LIFR: variants seen among roughly 807,000 people sequenced by gnomAD.
The protein encoded by LIFR is LIF receptor subunit alpha.
Under a neutral mutation model 122.2 loss-of-function variants are expected in LIFR, and 84 were observed. The ratio of observed to expected loss-of-function variants is 0.69; its 90% CI spans 0.58 to 0.82. The LOEUF is 0.82. LIFR is among the 40% of genes least tolerant of loss of function. The pLI is 0.00. For missense variants in LIFR, 1,294 were observed against 1,311.6 expected (o/e 0.99, Z 0.21); for synonymous variants, 422 against 434.7 (o/e 0.97, Z 0.36).
chr5:38,576,545 T>C (rs1749392189), intron 1 of LIFR, among the ~76,000 whole-genome samples: 1 of 152,214 alleles, frequency 6.6e-6, no homozygotes, highest in African/African-American at 2.4e-5. Context: ...TTGGTTCCAC[T>C]TGACTATAAT....
At chr5:38,594,067 A>G (rs1432143167) in intron 1 of LIFR, among the ~76,000 whole-genome samples, 1 of 152,178 alleles carries the variant, frequency 6.6e-6, no homozygotes, top group African/African-American at 2.4e-5. Context: ...GATCCAGGGA[A>G]AGGTCTTGAA....
At chr5:38,512,975 T>A (rs1385261143) in intron 5 of LIFR, among the ~76,000 whole-genome samples, 2 of 152,174 alleles carry the variant, frequency 1.3e-5, no homozygotes, top group Non-Finnish European at 2.9e-5. Flanking sequence ...ATTAAATATG[T>A]AAGTTATACT....
rs117071054 is a variant in LIFR, at chr5:38,569,654, G to T, written c.-20+25607C>A. Reference sequence around the variant, plus strand: ...TCTCCCATGGAAACTGGTCCCTGGTGCCAGAAAGTTTGGGGACCGCTGCCC... The same window carrying T: ...TCTCCCATGGAAACTGGTCCCTGGTTCCAGAAAGTTTGGGGACCGCTGCCC... On this transcript the variant is annotated intron_variant, in intron 1 of 19. Coordinates refer to the LIFR transcript ENST00000263409. 2.9e-3 allele frequency among the ~76,000 whole-genome samples: 437 copies of T among 152,254 alleles called. 10 individuals carry two copies. The East Asian group carries it at 0.04, about 14-fold the overall frequency.
intron 1 of LIFR, chr5:38,608,059 A>C (rs1042778595): frequency 2.9e-4 from 44 of 152,200 alleles, no homozygotes; most frequent in African/African-American, 1.0e-3. Context: ...TCATACTTTC[A>C]TAGTGATATA....
At chr5:38,583,719 A>G (rs1400719188) in intron 1 of LIFR, among the ~76,000 whole-genome samples, 2 of 152,162 alleles carry the variant, frequency 1.3e-5, no homozygotes, top group Non-Finnish European at 1.5e-5. Context: ...ACATCACTAA[A>G]CACCATTGAT....
intron 1 of LIFR, among the ~76,000 whole-genome samples, chr5:38,607,163 T>C (rs1750346296): frequency 6.6e-6 from 1 of 152,206 alleles, no homozygotes; most frequent in Non-Finnish European, 1.5e-5. Context: ...TTATCTAAGC[T>C]ATTTTAAATC....
rs1367802829 is a variant in LIFR, at chr5:38,512,003, A to G, written c.562-39T>C. ...CAAACACAAAACTGTATTTCCAAGT[A>G]GCAATATGTTTTGCTTTCCTTTAGA... On this transcript the variant is annotated intron_variant, in intron 5 of 19. Transcript: ENST00000453190. The G allele has an allele frequency of 3.7e-6, 6 of 1,600,134 alleles. No individual in the cohort carries two copies. In the South Asian group the frequency reaches 6.7e-5, roughly 18 times the overall value.
chr5:38,522,734 ATC>A (rs1301150014), intron 5 of LIFR, among the ~76,000 whole-genome samples: 1 of 152,208 alleles, frequency 6.6e-6, no homozygotes, highest in Non-Finnish European at 1.5e-5. Flanking sequence ...ATATAGAATA[ATC>A]TTTTTTATTA....
chr5:38,547,475 A>T (rs1235430043), intron 1 of LIFR, among the ~76,000 whole-genome samples: 3 of 152,130 alleles, frequency 2.0e-5, no homozygotes, highest in African/African-American at 7.3e-5. Flanking sequence ...ACATGACTCA[A>T]GAAATTTTCT....
chr5:38,586,206 C>T (rs988999283), intron 1 of LIFR, among the ~76,000 whole-genome samples: 2 of 152,172 alleles, frequency 1.3e-5, no homozygotes, highest in African/African-American at 4.8e-5. Flanking sequence ...TTTAAAACAT[C>T]GGCTCTGACC....
chr5:38,571,008 T>A (rs1450488877), intron 1 of LIFR, among the ~76,000 whole-genome samples: 4 of 152,186 alleles, frequency 2.6e-5, no homozygotes, highest in African/African-American at 9.7e-5. Context: ...GAACTAAAAA[T>A]TGGAAACTTT....
At chr5:38,520,674 T>C (rs1325609388) in intron 5 of LIFR, among the ~76,000 whole-genome samples, 1 of 152,178 alleles carries the variant, frequency 6.6e-6, no homozygotes, top group Non-Finnish European at 1.5e-5. Flanking sequence ...CCCAGTACCA[T>C]TTATTGAAGA....
intron 1 of LIFR, among the ~76,000 whole-genome samples, chr5:38,578,207 C>CTTTTTTTTTTTTTTTTTTTTT (rs3079294): frequency 1.6e-5 from 2 of 123,456 alleles, no homozygotes; most frequent in Non-Finnish European, 3.3e-5. Flanking sequence ...TTTTCTTTTT[C>CTTTTTTTTTTTTTTTTTTTTT]TTTTTTTTTT....
intron 16 of LIFR, among the ~76,000 whole-genome samples, chr5:38,486,737 T>C (rs1290235986): frequency 6.6e-6 from 1 of 152,060 alleles, no homozygotes; most frequent in African/African-American, 2.4e-5. Context: ...GATGTGACTT[T>C]TAACTATTAG....
intron 1 of LIFR, among the ~76,000 whole-genome samples, chr5:38,541,711 G>C (rs887292572): frequency 5.9e-5 from 9 of 152,112 alleles, no homozygotes; most frequent in African/African-American, 2.2e-4. Flanking sequence ...TCTGTGGATG[G>C]AAAAAAATGG....
intron 1 of LIFR, among the ~76,000 whole-genome samples, chr5:38,578,209 T>TTTTC (rs1554030866): frequency 2.6e-5 from 3 of 116,690 alleles, no homozygotes; most frequent in Non-Finnish European, 3.1e-5. Flanking sequence ...TTCTTTTTCT[T>TTTTC]TTTTTTTTTT....
Position 38,482,225 on chromosome 5 carries a change from A to G in LIFR, c.2671-7T>C. 6 of 1,603,078 alleles carry G rather than the reference A, an allele frequency of 3.7e-6. No individual in the cohort carries two copies. The highest frequency in any genetic ancestry group is 5.1e-6 in the Non-Finnish European group (6 of 1,177,238). On this transcript the variant is annotated splice_polypyrimidine_tract_variant and splice_region_variant and intron_variant, in intron 19 of 19. Coordinates refer to ENST00000453190, the MANE Select transcript of LIFR (RefSeq NM_001127671.2). ...TTTTAAGAGCACTGCTTCCCTAGAA[A>G]TAAATTTAAACACAGTGATTAAAAA...
chr5:38,499,374 G>A lies in LIFR; in HGVS notation c.1671+139C>T, dbSNP rs973509909. On this transcript the variant is annotated intron_variant, in intron 12 of 19. Coordinates refer to ENST00000453190, the MANE Select transcript of LIFR (RefSeq NM_001127671.2). ...GTGACGAGGAATTTGGGGGGTTTAG[G>A]AACCAGGTTAGATTCTCACCAATAT... is the stretch of plus-strand genomic sequence containing the variant. 9 of 666,794 alleles carry A rather than the reference G, an allele frequency of 1.3e-5. No individual in the cohort carries two copies. The African/African-American group carries it at 1.6e-4, about 12-fold the overall frequency. The allele number at this position is 666,794 out of a possible 1,614,324, so 41.3% of individuals were successfully genotyped here.
At chr5:38,599,411 T>C (rs993945130), upstream of LIFR, among the ~76,000 whole-genome samples, 1 of 108,290 alleles carries the variant, frequency 9.2e-6, no homozygotes, top group African/African-American at 2.7e-5. Context: ...GAGATGGAAG[T>C]CCTCAGGGTG....
Sources: gnomAD v4.1 joint callset for allele counts (sites outside exome capture counted in the v4.1 genomes callset) on GRCh38, gnomAD v4.1.1 for gene constraint, MANE v1.5 for transcripts, NCBI Gene and HGNC (gene_info 2026-07-23, HGNC 2026-07-21) for gene names.